The following MEGF6 variants were observed in gnomAD, a reference collection of about 807,000 sequenced individuals.
MEGF6 encodes the protein multiple EGF like domains 6, also known as multiple epidermal growth factor-like domains protein 6.
Under a neutral mutation model 207.1 loss-of-function variants are expected in MEGF6, and 184 were observed. The ratio of observed to expected loss-of-function variants is 0.89; its 90% confidence interval spans 0.79 to 1.00. The LOEUF (loss-of-function observed/expected upper bound fraction) is 1.00, where lower values mean the gene tolerates loss of function less well. Ranked by LOEUF, MEGF6 falls within the 50% of genes least tolerant of loss-of-function variation. The pLI is 0.00. For synonymous variants in MEGF6, 1,038 were observed against 910.0 expected (o/e 1.14, Z -2.53); for missense variants, 2,282 against 2,202.9 (o/e 1.04, Z -0.72).
intron 4 of MEGF6, among the ~76,000 whole-genome samples, chr1:3,570,595 G>A (rs532833423): frequency 2.6e-5 from 4 of 152,110 alleles, no homozygotes; most frequent in Non-Finnish European, 5.9e-5. Flanking sequence ...TCCACCCGCC[G>A]GGGCACACCC....
intron 17 of MEGF6, among the ~76,000 whole-genome samples, 172 bp downstream of exon 17, chr1:3,505,036 T>TCAAGGCAACACCGGTAG (rs60864742): frequency 2.0e-4 from 30 of 151,966 alleles, no homozygotes; most frequent in East Asian, 9.8e-4. Flanking sequence ...TGACAGGCCG[T>TCAAGGCAACACCGGTAG]CAAGGCAACA....
chr1:3,598,958 G>A (rs530914934), intron 2 of MEGF6, among the ~76,000 whole-genome samples: 1 of 152,224 alleles, frequency 6.6e-6, no homozygotes, highest in Admixed American at 6.5e-5. Flanking sequence ...CTGAAGGCAA[G>A]ACCCCTGAAT....
intron 24 of MEGF6, 64 bp from the exon 25 acceptor site, chr1:3,498,890 G>C (rs1256743780): frequency 1.3e-6 from 2 of 1,529,790 alleles, no homozygotes; most frequent in Non-Finnish European, 8.8e-7. Context: ...GGGTCTGTCT[G>C]GCTTTCCAGC....
chr1:3,496,775 G>T lies in MEGF6; in HGVS notation c.3622C>A (p.Pro1208Thr). Residue 1208 changes from proline to threonine, a missense_variant, in exon 29 of 37, where the codon CCC becomes ACC. Transcript: ENST00000356575. ...TCACAGCCTGGCCCATACCGCCCGG[G>T]CGGACATCCTGCAGGGAGAGGGGCT... is the stretch of plus-strand genomic sequence containing the variant. ...HGPSCQQRCP[P>T]GRYGPGCEQL... The T allele has an allele frequency of 3.9e-6, 6 of 1,557,252 alleles. No homozygotes were observed. Among genetic ancestry groups the T allele is most frequent in the Non-Finnish European group, 5.2e-6 (6 of 1,150,800 alleles).
intron 4 of MEGF6, among the ~76,000 whole-genome samples, chr1:3,530,662 A>T (rs938437241): frequency 6.6e-6 from 1 of 152,218 alleles, no homozygotes; most frequent in Non-Finnish European, 1.5e-5. Context: ...ACATCCACAG[A>T]CAGGACCCCA....
intron 4 of MEGF6, among the ~76,000 whole-genome samples, chr1:3,570,966 C>A (rs1279345164): frequency 2.6e-5 from 4 of 152,178 alleles, no homozygotes; most frequent in Non-Finnish European, 5.9e-5. Flanking sequence ...GACACACACA[C>A]CACAGCCCTA....
intron 4 of MEGF6, chr1:3,546,865 G>A (rs1298294720): frequency 1.9e-5 from 3 of 160,050 alleles, no homozygotes; most frequent in Non-Finnish European, 4.1e-5. Flanking sequence ...CGCCAAGGCA[G>A]GGTGGCAGTG....
At chr1:3,622,141 G>A in the MEGF6 span, among the ~76,000 whole-genome samples, 1 of 152,204 alleles carries the variant, frequency 6.6e-6, no homozygotes, top group Non-Finnish European at 1.5e-5. Context: ...AGATTTAGGA[G>A]GGGCCGGGGT....
the MEGF6 span, among the ~76,000 whole-genome samples, chr1:3,617,115 G>A: frequency 6.6e-6 from 1 of 151,134 alleles, no homozygotes; most frequent in East Asian, 1.9e-4. Flanking sequence ...GGCCTGGGCT[G>A]TGCCATGCAG....
At chr1:3,526,371 G>A (rs1010263060) in intron 4 of MEGF6, among the ~76,000 whole-genome samples, 12 of 151,386 alleles carry the variant, frequency 7.9e-5, no homozygotes, top group African/African-American at 2.4e-4. Flanking sequence ...CGCAGTCCAC[G>A]CCTGCTACTC....
At chr1:3,549,099 C>A (rs1054506652) in intron 4 of MEGF6, among the ~76,000 whole-genome samples, 3 of 152,100 alleles carry the variant, frequency 2.0e-5, no homozygotes, top group Non-Finnish European at 4.4e-5. Context: ...CTAACATCCC[C>A]GTGGCTCCGC....
rs1452691406 is a variant in MEGF6, at chr1:3,556,490, G to A, written c.481+23335C>T. Among the ~76,000 whole-genome samples, 1 of 152,124 alleles carries A rather than the reference G, an allele frequency of 6.6e-6. No individual in the cohort carries two copies. Among genetic ancestry groups the A allele is most frequent in the Non-Finnish European group, 1.5e-5 (1 of 68,040 alleles). On this transcript the variant is annotated intron_variant, in intron 4 of 36. Coordinates refer to ENST00000356575, the MANE Select transcript of MEGF6 (RefSeq NM_001409.4). This position sits in a 1 kb window ranked among gnomAD's most constrained non-coding sequence, Gnocchi z 4.4. ...CCTCGGCAAAGCAAGAGACGCCCTGGGCCTCCTCTCGGCCGCCCACCAGGT... is the reference window on the plus strand; with the variant it reads ...CCTCGGCAAAGCAAGAGACGCCCTGAGCCTCCTCTCGGCCGCCCACCAGGT...
intron 17 of MEGF6, 130 bp downstream of exon 17, chr1:3,505,078 C>A (rs4648512): frequency 9.2e-4 from 982 of 1,072,770 alleles, no homozygotes; most frequent in East Asian, 3.1e-3. Flanking sequence ...TAGCAAGGCA[C>A]CACCTGGGCT....
At chr1:3,524,274 G>T (rs1339872073) in intron 4 of MEGF6, 28 bp from the exon 5 acceptor site, 1 of 1,598,506 alleles carries the variant, frequency 6.3e-7, no homozygotes, top group Non-Finnish European at 8.6e-7. Flanking sequence ...AGGATCAGCA[G>T]CTGGGCACCT....
At chr1:3,595,521 G>T (rs979944710) in intron 2 of MEGF6, 74 bp from the exon 3 acceptor site, 1 of 1,286,794 alleles carries the variant, frequency 7.8e-7, no homozygotes, top group African/African-American at 1.5e-5. Flanking sequence ...GCACCCCTGG[G>T]GAGACTGACT....
At chr1:3,537,306 G>T (rs1376511128) in intron 4 of MEGF6, among the ~76,000 whole-genome samples, 3 of 152,272 alleles carry the variant, frequency 2.0e-5, no homozygotes, top group African/African-American at 7.2e-5. Context: ...GGGGGAAGGA[G>T]CTAAGCCCTT....
intron 2 of MEGF6, among the ~76,000 whole-genome samples, chr1:3,601,147 G>A (rs1451399025): frequency 6.6e-6 from 1 of 152,212 alleles, no homozygotes; most frequent in Non-Finnish European, 1.5e-5. Flanking sequence ...CTAGCCTAGA[G>A]ACCACAATGG....
Position 3,573,483 on chromosome 1 carries a change from C to T in MEGF6, c.481+6342G>A, listed in dbSNP as rs566497128. On this transcript the variant is annotated intron_variant, in intron 4 of 36. Coordinates refer to ENST00000356575, the MANE Select transcript of MEGF6 (RefSeq NM_001409.4). This position sits in a 1 kb window ranked among gnomAD's most constrained non-coding sequence, Gnocchi z 5.1. ...CCAGGGTCAGGTTAACCCGAGGCCA[C>T]GTCCACAGGACAAAGCTGAGATGCC... 1.3e-3 allele frequency among the ~76,000 whole-genome samples: 202 copies of T among 152,346 alleles called. No homozygotes were observed. The highest frequency in any genetic ancestry group is 2.7e-3 in the Admixed American group (42 of 15,308).
At position 3,561,727 on chromosome 1, in the gene MEGF6, G is replaced by C. The variant is rs55916715; in HGVS notation, c.481+18098C>G. ...GAAGCAGCAACAGAAAACACGGGGT[G>C]GGGTGGCGGGGCACACGGCAGGGAA... On this transcript the variant is annotated intron_variant, in intron 4 of 36. Coordinates refer to ENST00000356575, the MANE Select transcript of MEGF6 (RefSeq NM_001409.4). Among the ~76,000 whole-genome samples the C allele has an allele frequency of 8.8e-3, 1,336 of 152,336 alleles. 10 individuals carry two copies. The highest frequency in any genetic ancestry group is 0.014 in the Non-Finnish European group (985 of 68,028).
Sources: allele counts gnomAD v4.1 joint callset (sites outside exome capture counted in the v4.1 genomes callset), GRCh38; gene constraint gnomAD v4.1.1; non-coding constraint Gnocchi (gnomAD v3.1); transcripts MANE v1.5; gene names NCBI Gene and HGNC (gene_info 2026-07-23, HGNC 2026-07-21).